ANKRD26: variants seen among roughly 807,000 people sequenced by gnomAD.
The protein encoded by ANKRD26 is ankyrin repeat domain-containing protein 26.
Under a neutral mutation model 208.7 loss-of-function variants are expected in ANKRD26, and 141 were observed. The observed-to-expected ratio is 0.68, with a 90% confidence interval of 0.59 to 0.78. The LOEUF (loss-of-function observed/expected upper bound fraction) is 0.78, where lower values mean the gene tolerates loss of function less well. Ranked by LOEUF, ANKRD26 falls within the 30% of genes least tolerant of loss-of-function variation. ANKRD26 has a pLI of 0.00. For synonymous variants in ANKRD26, 636 were observed against 660.4 expected (o/e 0.96, Z 0.57); for missense variants, 1,889 against 1,938.7 (o/e 0.97, Z 0.48).
rs767456225 is a variant in ANKRD26, at chr10:27,060,535, G to T, written c.1468C>A (p.Pro490Thr). ...ACCTTCAAGTGAAGATATCTCTCAG[G>T]AGACTCTAAAAACCAAAAGGGACAT... ...VGMPVAHMES[P>T]ERYLHLKPTI... Residue 490 changes from proline (P) to threonine (T), a missense_variant, in exon 14 of 34, where the codon CCT becomes ACT. Pro to Thr is a conservative substitution (Grantham distance 38, BLOSUM62 -1). Around this residue, in one of 3 missense-constraint regions of ANKRD26, gnomAD observed 1,272 missense variants for 1,273.8 expected, o/e 1.00. Transcript: ENST00000376087. 5.2e-6 allele frequency: 8 copies of T among 1,540,862 alleles called. No individual in the cohort carries two copies. The highest frequency in any genetic ancestry group is 7.2e-6 in the Non-Finnish European group (8 of 1,117,800).
chr10:27,076,840 T>C (rs1405435498), intron 9 of ANKRD26, among the ~76,000 whole-genome samples: 2 of 152,000 alleles, frequency 1.3e-5, no homozygotes, highest in African/African-American at 2.4e-5. Context: ...AGCAGTGAGA[T>C]TGAATCAGTA....
rs1428298751 is a variant in ANKRD26, at chr10:27,077,628, C to T, written c.874+5G>A. 1.9e-6 allele frequency: 3 copies of T among 1,613,346 alleles called. No individual in the cohort carries two copies. The highest frequency in any genetic ancestry group is 2.5e-6 in the Non-Finnish European group (3 of 1,179,830). On this transcript the variant is annotated splice_donor_5th_base_variant and intron_variant, in intron 8 of 33. Transcript: ENST00000376087. ...ACAAGAATAAGCAGTTTTCAAACAG[C>T]TTACAATTTTTCCTGGATTGCTGAG...
At chr10:26,956,369 G>GCATAAA in the ANKRD26 span, among the ~76,000 whole-genome samples, 1 of 152,016 alleles carries the variant, frequency 6.6e-6, no homozygotes, top group East Asian at 1.9e-4. Flanking sequence ...TTCCCAAATA[G>GCATAAA]CATAAACATA....
chr10:27,065,828 T>C (rs1326153015), intron 11 of ANKRD26, among the ~76,000 whole-genome samples: 5 of 149,112 alleles, frequency 3.4e-5, no homozygotes, highest in Admixed American at 3.3e-4. Context: ...AATCATACAC[T>C]TGGCCATAGG....
At chr10:26,949,917 C>A in the ANKRD26 span, among the ~76,000 whole-genome samples, 1 of 152,206 alleles carries the variant, frequency 6.6e-6, no homozygotes, top group Admixed American at 6.5e-5. Context: ...ATGTCACCTA[C>A]ACCTTTTTTC....
At chr10:27,022,777 G>C in intron 28 of ANKRD26, 90 bp from the exon 29 acceptor site, 1 of 1,213,790 alleles carries the variant, frequency 8.2e-7, no homozygotes, top group Non-Finnish European at 1.2e-6. Context: ...TAGCATGTAA[G>C]AAAAACAAAT....
At chr10:26,954,732 C>T in the ANKRD26 span, among the ~76,000 whole-genome samples, 2 of 152,072 alleles carry the variant, frequency 1.3e-5, no homozygotes, top group South Asian at 2.1e-4. Context: ...AAACAGATTA[C>T]GAGTTTAGGT....
intron 1 of ANKRD26, 83 bp downstream of exon 1, chr10:27,100,002 C>G: frequency 1.2e-6 from 2 of 1,600,934 alleles, no homozygotes; most frequent in Non-Finnish European, 1.7e-6. Context: ...TGATCCAGGC[C>G]CTGGGTGGCT....
chr10:26,989,082 C>T (rs565141742), downstream of ANKRD26, among the ~76,000 whole-genome samples: 40 of 151,990 alleles, frequency 2.6e-4, no homozygotes, highest in South Asian at 3.5e-3. Flanking sequence ...GTATTAATAT[C>T]GGGCAAGATA....
chr10:27,047,739 AATTATT>A lies in ANKRD26; in HGVS notation c.1814+1056_1814+1061del, dbSNP rs1193095720. On this transcript the variant is annotated intron_variant, in intron 17 of 33. Coordinates refer to ENST00000376087, the MANE Select transcript of ANKRD26 (RefSeq NM_014915.3). Reference sequence around the variant, plus strand: ...TACTACTACTAATAATAATAATAATAATTATTATTATTATTATTATTGGAGATGGAG... The same window carrying A: ...TACTACTACTAATAATAATAATAATAATTATTATTATTATTGGAGATGGAG... Among the ~76,000 whole-genome samples, 43 of 49,338 alleles carry A rather than the reference AATTATT, an allele frequency of 8.7e-4. 1 individual carries two copies. The South Asian group carries it at 0.021, about 24-fold the overall frequency. The allele number at this position is 49,338 out of a possible 152,430, so 32.4% of individuals were successfully genotyped here. A position where few individuals can be genotyped will look rare whatever the true frequency, so the allele number is the denominator to read the frequency against.
intron 16 of ANKRD26, chr10:27,051,852 G>A (rs1386676940): frequency 7.1e-6 from 7 of 985,352 alleles, no homozygotes; most frequent in South Asian, 4.7e-5. Flanking sequence ...TTCCCCAGGA[G>A]AAGCAGTAAT....
At chr10:26,952,919 T>C in the ANKRD26 span, among the ~76,000 whole-genome samples, 1 of 152,136 alleles carries the variant, frequency 6.6e-6, no homozygotes, top group East Asian at 1.9e-4. Flanking sequence ...TTGCTGCCCT[T>C]AGACAAACGA....
At chr10:27,099,751 T>C (rs937432299) in intron 1 of ANKRD26, among the ~76,000 whole-genome samples, 10 of 152,276 alleles carry the variant, frequency 6.6e-5, no homozygotes, top group South Asian at 2.1e-4. Flanking sequence ...TATCTCATTA[T>C]GCACCTTTCC....
the ANKRD26 span, among the ~76,000 whole-genome samples, chr10:26,948,804 A>G: frequency 6.6e-6 from 1 of 152,162 alleles, no homozygotes; most frequent in Non-Finnish European, 1.5e-5. Flanking sequence ...CCTGGCCAAC[A>G]TGGTGAAACC....
chr10:27,018,758 T>G (rs552717639), intron 29 of ANKRD26, among the ~76,000 whole-genome samples: 1 of 152,114 alleles, frequency 6.6e-6, no homozygotes, highest in South Asian at 2.1e-4. Context: ...CTTGAATAAA[T>G]AGTGCTGGGA....
rs114972099 is a variant in ANKRD26 at position 27,067,931 on chromosome 10, C to A, written c.1078-645G>T. ...GATTCTGTCCTATATTCATCAAGTG[C>A]GGGTAGAGATAAATAAAACCAAGTA... is the stretch of plus-strand genomic sequence containing the variant. On this transcript the variant is annotated intron_variant, in intron 9 of 33. Coordinates refer to ENST00000376087, the MANE Select transcript of ANKRD26 (RefSeq NM_014915.3). Among the ~76,000 whole-genome samples the A allele has an allele frequency of 3.5e-3, 527 of 152,170 alleles. 2 individuals carry two copies. Among genetic ancestry groups the A allele is most frequent in the African/African-American group, 0.012 (489 of 41,494 alleles).
Position 27,048,988 on chromosome 10 carries a change from A to C in ANKRD26, c.1636-9T>G. ...TTCCTTTCTTCTTCAACCTTTAATG[A>C]AAGTTTGATACTAAGGAATTGCTAT... is the stretch of plus-strand genomic sequence containing the variant. On this transcript the variant is annotated splice_polypyrimidine_tract_variant and intron_variant, in intron 16 of 33. Transcript: ENST00000376087. The C allele has an allele frequency of 6.3e-7, 1 of 1,583,316 alleles. No homozygotes were observed. The highest frequency in any genetic ancestry group is 8.6e-7 in the Non-Finnish European group (1 of 1,159,126).
intron 15 of ANKRD26, among the ~76,000 whole-genome samples, chr10:27,054,366 C>G (rs988263801): frequency 6.6e-6 from 1 of 152,104 alleles, no homozygotes; most frequent in Non-Finnish European, 1.5e-5. Flanking sequence ...GGGTGGATCA[C>G]TTGAGGCCAG....
chr10:27,042,496 G>C (rs1168619483), intron 20 of ANKRD26, among the ~76,000 whole-genome samples: 1 of 152,050 alleles, frequency 6.6e-6, no homozygotes, highest in African/African-American at 2.4e-5. Context: ...GCTCACGCCT[G>C]TAATCCCAGC....
Sources: gnomAD v4.1 joint callset for allele counts (sites outside exome capture counted in the v4.1 genomes callset) on GRCh38, gnomAD v4.1.1 for gene constraint, gnomAD v4.1.1 regional missense constraint, MANE v1.5 for transcripts, NCBI Gene and HGNC (gene_info 2026-07-23, HGNC 2026-07-21) for gene names.